ARID2: variants seen among roughly 807,000 people sequenced by gnomAD.
ARID2 encodes AT-rich interactive domain-containing protein 2.
ARID2 carries 32 observed loss-of-function variants against 184.6 expected under a neutral mutation model. That is an observed-to-expected ratio of 0.17 (90% confidence interval 0.13 to 0.23). ARID2 has a LOEUF of 0.23. Among genes scored for constraint, ARID2 ranks in the 10% least tolerant of loss-of-function variants. The probability of loss-of-function intolerance (pLI) is 1.00; values close to 1 mark genes in which losing one functional copy is unlikely to be tolerated. For missense variants in ARID2, 1,696 were observed against 2,197.6 expected (o/e 0.77, Z 4.56); for synonymous variants, 836 against 772.6 (o/e 1.08, Z -1.36).
chr12:45,855,005 A>G (rs769215504), intron 15 of ARID2, among the ~76,000 whole-genome samples: 22 of 152,176 alleles, frequency 1.4e-4, no homozygotes, highest in Non-Finnish European at 2.9e-4. Context: ...TTAACCCATT[A>G]ACCTTTCTTC....
intron 20 of ARID2, among the ~76,000 whole-genome samples, chr12:45,900,878 G>T (rs886170638): frequency 6.6e-6 from 1 of 151,906 alleles, no homozygotes; most frequent in Non-Finnish European, 1.5e-5. Context: ...TGACATTCTG[G>T]TTCCCATTTC....
chr12:45,743,908 TATC>T (rs1343018792), intron 3 of ARID2, among the ~76,000 whole-genome samples: 2 of 152,208 alleles, frequency 1.3e-5, no homozygotes, highest in Admixed American at 6.5e-5. Context: ...GTTTTCTTGT[TATC>T]ATTTATTTAT....
At chr12:45,896,179 C>T (rs966392067) in intron 20 of ARID2, among the ~76,000 whole-genome samples, 2 of 152,166 alleles carry the variant, frequency 1.3e-5, no homozygotes. Flanking sequence ...CGGAGATGGT[C>T]AATGTGCCTA....
chr12:45,758,504 A>G (rs1394948009), intron 3 of ARID2, among the ~76,000 whole-genome samples: 4 of 152,158 alleles, frequency 2.6e-5, no homozygotes, highest in African/African-American at 7.2e-5. Flanking sequence ...CCCCTGCTCT[A>G]CAAGATAATA....
At chr12:45,737,903 C>G (rs1351104297) in intron 3 of ARID2, among the ~76,000 whole-genome samples, 1 of 152,044 alleles carries the variant, frequency 6.6e-6, no homozygotes, top group African/African-American at 2.4e-5. Flanking sequence ...TACTTTGTCT[C>G]TGGACTCTAG....
At chr12:45,787,977 A>G (rs1400980345) in intron 3 of ARID2, among the ~76,000 whole-genome samples, 1 of 152,180 alleles carries the variant, frequency 6.6e-6, no homozygotes, top group African/African-American at 2.4e-5. Flanking sequence ...ATTCTTTTCT[A>G]TTTAAATTGA....
chr12:45,733,769 T>A (rs1941051236), intron 3 of ARID2, among the ~76,000 whole-genome samples: 1 of 152,212 alleles, frequency 6.6e-6, no homozygotes, highest in Non-Finnish European at 1.5e-5. Context: ...TTTTGTTATT[T>A]TTGATACAAA....
intron 4 of ARID2, among the ~76,000 whole-genome samples, chr12:45,816,689 G>A (rs537062076): frequency 2.6e-5 from 4 of 152,280 alleles, no homozygotes; most frequent in Non-Finnish European, 4.4e-5. Context: ...CTCAACTAGG[G>A]AATGGATAAA....
chr12:45,892,234 G>C (rs753057352), intron 18 of ARID2, 138 bp downstream of exon 18: 19 of 796,838 alleles, frequency 2.4e-5, no homozygotes, highest in Non-Finnish European at 3.7e-5. Context: ...CCAGCAATGT[G>C]ACCCTGTTCA....
At chr12:45,730,249 G>T (rs1379783088) in intron 2 of ARID2, 112 bp downstream of exon 2, 4 of 1,020,964 alleles carry the variant, frequency 3.9e-6, no homozygotes, top group South Asian at 1.8e-5. Flanking sequence ...GGGGCAAAAG[G>T]CGTTCTTTTC....
At position 45,765,279 on chromosome 12, in the gene ARID2, C is replaced by T. The variant is rs550701509; in HGVS notation, c.284+33965C>T. On this transcript the variant is annotated intron_variant, in intron 3 of 20. Coordinates refer to ENST00000334344, the MANE Select transcript of ARID2 (RefSeq NM_152641.4). ...CTGGAGTGCAGTGGCACAATCTTGG[C>T]TCATTGCAGCCTCGACTCCTGTGCT... 3.7e-3 allele frequency among the ~76,000 whole-genome samples: 559 copies of T among 152,162 alleles called. 6 individuals carry two copies. Among genetic ancestry groups the T allele is most frequent in the African/African-American group, 0.013 (534 of 41,502 alleles).
intron 4 of ARID2, among the ~76,000 whole-genome samples, chr12:45,812,105 G>A (rs914098814): frequency 6.6e-6 from 1 of 151,754 alleles, no homozygotes; most frequent in East Asian, 1.9e-4. Context: ...GAGTAGACGG[G>A]CTCCAGTTTT....
intron 16 of ARID2, among the ~76,000 whole-genome samples, chr12:45,869,276 A>G (rs1475091967): frequency 1.3e-5 from 2 of 152,136 alleles, no homozygotes; most frequent in African/African-American, 4.8e-5. Context: ...CGGCCTCCCA[A>G]AGTGCTGGGA....
chr12:45,878,476 CT>C (rs1362347179), intron 16 of ARID2, among the ~76,000 whole-genome samples: 1 of 152,134 alleles, frequency 6.6e-6, no homozygotes, highest in African/African-American at 2.4e-5. Context: ...TTACTTACAT[CT>C]TCAAGTCCAC....
intron 3 of ARID2, among the ~76,000 whole-genome samples, chr12:45,792,324 T>A (rs1172524389): frequency 6.6e-6 from 1 of 152,196 alleles, no homozygotes; most frequent in Non-Finnish European, 1.5e-5. Flanking sequence ...AAAATACACT[T>A]CTTAATTTCC....
At position 45,850,793 on chromosome 12, in the gene ARID2, G is replaced by A. The variant is rs189803532; in HGVS notation, c.2670G>A (p.Arg890=). ...IAGVPSPQAS[R]VGFQNIAPKP... ...GTGTCCCAAGTCCACAAGCCTCAAG[G>A]GTAGGGTTTCAGAACATTGCACCAA... Residue 890 remains arginine, a synonymous_variant, in exon 15 of 21, where the codon AGG becomes AGA. Coordinates refer to ENST00000334344, the MANE Select transcript of ARID2 (RefSeq NM_152641.4). 9 of 1,613,986 alleles carry A rather than the reference G, an allele frequency of 5.6e-6. No homozygotes were observed. Among genetic ancestry groups the A allele is most frequent in the African/African-American group, 4.0e-5 (3 of 74,946 alleles).
intron 16 of ARID2, among the ~76,000 whole-genome samples, chr12:45,868,756 T>C (rs1467989557): frequency 6.6e-6 from 1 of 152,348 alleles, no homozygotes; most frequent in East Asian, 1.9e-4. Flanking sequence ...CTTTGTCATA[T>C]ACTAATCCTA....
At chr12:45,868,808 ATC>A (rs1943870857) in intron 16 of ARID2, among the ~76,000 whole-genome samples, 1 of 152,088 alleles carries the variant, frequency 6.6e-6, no homozygotes, top group Non-Finnish European at 1.5e-5. Flanking sequence ...TATCCCCTTG[ATC>A]TCTGTCCTTA....
At position 45,740,371 on chromosome 12, in the gene ARID2, T is replaced by C. The variant is rs190512183; in HGVS notation, c.284+9057T>C. On this transcript the variant is annotated intron_variant, in intron 3 of 20. Transcript: ENST00000334344. ...CCTGTAGATCAACCAATTAATTGTT[T>C]TGCCACATTTGGTTTACATTTTTCT... 1.5e-3 allele frequency among the ~76,000 whole-genome samples: 233 copies of C among 152,232 alleles called. 2 individuals carry two copies. The highest frequency in any genetic ancestry group is 5.0e-3 in the African/African-American group (208 of 41,552).
Sources: allele counts gnomAD v4.1 joint callset (sites outside exome capture counted in the v4.1 genomes callset), GRCh38; gene constraint gnomAD v4.1.1; transcripts MANE v1.5; gene names NCBI Gene and HGNC (gene_info 2026-07-23, HGNC 2026-07-21).